Variants in LARGE1 observed in about 807,000 individuals in gnomAD.
LARGE1 encodes xylosyl- and glucuronyltransferase LARGE1.
A neutral mutation model predicts 87.6 loss-of-function variants in LARGE1; 43 were observed. The ratio of observed to expected loss-of-function variants is 0.49; its 90% CI spans 0.38 to 0.63. The LOEUF (loss-of-function observed/expected upper bound fraction) is 0.63. Ranked by LOEUF, LARGE1 falls within the 30% of genes least tolerant of loss-of-function variation. The pLI is 0.00. For synonymous variants in LARGE1, 434 were observed against 394.6 expected (o/e 1.10, Z -1.18); for missense variants, 802 against 1,000.2 (o/e 0.80, Z 2.67).
chr22:33,735,376 GT>G (rs1436188831), intron 2 of LARGE1, among the ~76,000 whole-genome samples: 1 of 152,166 alleles, frequency 6.6e-6, no homozygotes, highest in African/African-American at 2.4e-5. Context: ...CTCCCTGGGT[GT>G]CCCCCCTGCA....
chr22:33,205,872 C>G (rs981219016), intron 11 of LARGE1, among the ~76,000 whole-genome samples: 4 of 151,924 alleles, frequency 2.6e-5, no homozygotes, highest in African/African-American at 9.7e-5. Context: ...CTCCACCTCC[C>G]AAGTCAAGCA....
chr22:33,922,253 C>T (rs1460705617), upstream of LARGE1, among the ~76,000 whole-genome samples: 1 of 23,758 alleles, frequency 4.2e-5, no homozygotes, highest in Non-Finnish European at 7.8e-5. Context: ...CAGCTGACCC[C>T]ACTCCTCGAG....
intron 11 of LARGE1, among the ~76,000 whole-genome samples, chr22:33,248,488 G>A (rs970777917): frequency 2.0e-5 from 3 of 152,152 alleles, no homozygotes; most frequent in African/African-American, 4.8e-5. Context: ...GAGCCAACAC[G>A]TGAGCCACGT....
intron 2 of LARGE1, among the ~76,000 whole-genome samples, chr22:33,727,813 C>T (rs960306624): frequency 2.6e-5 from 4 of 152,062 alleles, no homozygotes; most frequent in Admixed American, 1.3e-4. Flanking sequence ...ACCAAGGCAA[C>T]GACAGTCAGG....
At chr22:33,829,860 C>T (rs1436742436) in intron 1 of LARGE1, among the ~76,000 whole-genome samples, 1 of 152,114 alleles carries the variant, frequency 6.6e-6, no homozygotes, top group Non-Finnish European at 1.5e-5. Flanking sequence ...TTGGAGTTAA[C>T]CCATTCTGAG....
At chr22:33,438,509 G>A (rs111905337) in intron 6 of LARGE1, among the ~76,000 whole-genome samples, 74 of 152,272 alleles carry the variant, frequency 4.9e-4, no homozygotes, top group African/African-American at 1.6e-3. Flanking sequence ...AGACAAGAGC[G>A]AACAAGCTTG....
rs371096004 is a variant in LARGE1 at position 33,604,461 on chromosome 22, C to T, written c.589G>A (p.Asp197Asn). The change falls in exon 5 of 15, where the codon GAC (aspartate) becomes AAC (asparagine). Residue 197 changes from aspartate (D) to asparagine (N), a missense_variant. Asp to Asn is a conservative substitution (Grantham distance 23). This residue lies in a region of LARGE1 where 625 missense variants were observed against 841.9 expected (regional missense o/e 0.74). Coordinates refer to ENST00000397394, the MANE Select transcript of LARGE1 (RefSeq NM_133642.5). ...TTGAGCTCGTCTGCATTGTAGAAGT[C>T]CACACGCACAGCGGGCACCATCCAG... The part of the protein sequence containing the change: ...QTWMVPAVRV[D>N]FYNADELKSE... The T allele has an allele frequency of 1.9e-6, 3 of 1,613,990 alleles. No homozygotes were observed. The highest frequency in any genetic ancestry group is 2.5e-6 in the Non-Finnish European group (3 of 1,180,000).
intron 6 of LARGE1, among the ~76,000 whole-genome samples, chr22:33,525,644 T>C (rs1391488800): frequency 6.6e-6 from 1 of 151,824 alleles, no homozygotes; most frequent in Non-Finnish European, 1.5e-5. Context: ...GTCCCCTATG[T>C]TTCCCCCCCA....
chr22:33,373,209 TA>T (rs1370219630), intron 9 of LARGE1, among the ~76,000 whole-genome samples: 1 of 152,184 alleles, frequency 6.6e-6, no homozygotes, highest in African/African-American at 2.4e-5. Flanking sequence ...GCTTTGCTAT[TA>T]AAAATACACT....
chr22:33,241,435 T>C (rs1926508127), intron 11 of LARGE1, among the ~76,000 whole-genome samples: 1 of 152,106 alleles, frequency 6.6e-6, no homozygotes, highest in East Asian at 1.9e-4. Flanking sequence ...TTTCTCACTA[T>C]TGAATTTCCA....
At chr22:33,859,336 G>A (rs901702230) in intron 1 of LARGE1, among the ~76,000 whole-genome samples, 4 of 152,088 alleles carry the variant, frequency 2.6e-5, no homozygotes, top group Admixed American at 6.6e-5. Context: ...ACAAACGCAC[G>A]AGCTTTGGGA....
intron 4 of LARGE1, among the ~76,000 whole-genome samples, chr22:33,620,736 A>C (rs1313656291): frequency 6.6e-6 from 1 of 152,150 alleles, no homozygotes; most frequent in Non-Finnish European, 1.5e-5. Context: ...AGCCAGGCTA[A>C]CATGGTAAAA....
chr22:33,626,781 G>C (rs1383544698), intron 3 of LARGE1, among the ~76,000 whole-genome samples: 2 of 152,200 alleles, frequency 1.3e-5, no homozygotes. Flanking sequence ...TAATAAAAGG[G>C]CCAAAGGGGA....
chr22:33,553,057 A>G (rs2077576197), intron 6 of LARGE1, among the ~76,000 whole-genome samples: 1 of 152,144 alleles, frequency 6.6e-6, no homozygotes, highest in African/African-American at 2.4e-5. Flanking sequence ...ATGCTTTTAC[A>G]TAACCATTTC....
intron 11 of LARGE1, chr22:33,305,615 T>C: frequency 1.0e-6 from 1 of 985,184 alleles, no homozygotes; most frequent in African/African-American, 1.7e-5. Flanking sequence ...ATTCCATGCA[T>C]TTCCATGCTT....
chr22:33,539,678 T>G (rs1298410628), intron 6 of LARGE1, among the ~76,000 whole-genome samples: 1 of 151,488 alleles, frequency 6.6e-6, no homozygotes, highest in Non-Finnish European at 1.5e-5. Context: ...CAGCCTCAAA[T>G]TTTCCAGGTT....
the LARGE1 span, among the ~76,000 whole-genome samples, chr22:33,149,927 G>A: frequency 2.6e-5 from 4 of 152,042 alleles, no homozygotes; most frequent in Non-Finnish European, 2.9e-5. Context: ...TTCCTTCTAC[G>A]TAATTATTTT....
chr22:33,561,559 G>A (rs919561028), intron 6 of LARGE1, among the ~76,000 whole-genome samples: 1 of 152,224 alleles, frequency 6.6e-6, no homozygotes, highest in African/African-American at 2.4e-5. Context: ...GCACCCCGGT[G>A]TAGCTACGGG....
intron 2 of LARGE1, among the ~76,000 whole-genome samples, chr22:33,681,309 A>G (rs1437572310): frequency 6.6e-6 from 1 of 152,224 alleles, no homozygotes; most frequent in Non-Finnish European, 1.5e-5. Context: ...GAAAGTTATT[A>G]AAACAGGCAT....
Sources: gnomAD v4.1 joint callset for allele counts (sites outside exome capture counted in the v4.1 genomes callset) on GRCh38, gnomAD v4.1.1 for gene constraint, gnomAD v4.1.1 regional missense constraint, MANE v1.5 for transcripts, NCBI Gene and HGNC (gene_info 2026-07-23, HGNC 2026-07-21) for gene names.